The following RYK variants were observed in gnomAD, a reference collection of about 807,000 sequenced individuals.
RYK encodes the protein receptor like tyrosine kinase.
A neutral mutation model predicts 70.2 loss-of-function variants in RYK; 21 were observed. The observed-to-expected ratio is 0.30, with a 90% confidence interval of 0.21 to 0.43. The LOEUF is 0.43. Among genes scored for constraint, RYK ranks in the 20% least tolerant of loss-of-function variants. The probability of loss-of-function intolerance (pLI) is 1.00; values close to 1 mark genes in which losing one functional copy is unlikely to be tolerated. For synonymous variants in RYK, 267 were observed against 278.0 expected (o/e 0.96, Z 0.39); for missense variants, 604 against 753.3 (o/e 0.80, Z 2.32).
At chr3:134,233,052 T>C (rs1468306618) in intron 1 of RYK, among the ~76,000 whole-genome samples, 1 of 152,230 alleles carries the variant, frequency 6.6e-6, no homozygotes, top group East Asian at 1.9e-4. Context: ...GGTGCCCACC[T>C]TTATGGCAAC....
At chr3:134,210,983 C>T (rs1204319372) in intron 3 of RYK, among the ~76,000 whole-genome samples, 1 of 152,198 alleles carries the variant, frequency 6.6e-6, no homozygotes, top group African/African-American at 2.4e-5. Flanking sequence ...GAGACCAGCA[C>T]ATGCAAAGGC....
At chr3:134,189,740 CAAAA>C (rs57016937) in intron 8 of RYK, among the ~76,000 whole-genome samples, 6 of 92,656 alleles carry the variant, frequency 6.5e-5, no homozygotes, top group African/African-American at 1.3e-4. Context: ...GAGACTCCGC[CAAAA>C]AAAAAAAAAA....
intron 1 of RYK, among the ~76,000 whole-genome samples, chr3:134,224,987 T>C (rs2014860082): frequency 6.6e-6 from 1 of 152,254 alleles, no homozygotes; most frequent in Non-Finnish European, 1.5e-5. Flanking sequence ...TTCTTTATTA[T>C]ACTGGAACAG....
At position 134,250,731 on chromosome 3, in the gene RYK, A is replaced by T; in HGVS notation, c.-77T>A. The stretch of plus-strand genomic sequence containing the variant: ...GCCCACCCCCGGCCCCGAGCCGCTC[A>T]CAGCCCCGAGCCGGGGGCGGCTGCC... On this transcript the variant is annotated 5_prime_UTR_variant, in exon 1 of 15. It removes the in-frame stop codon of an upstream open reading frame in the 5' UTR. Transcript: ENST00000623711. 1 of 735,184 alleles carries T rather than the reference A, an allele frequency of 1.4e-6. No homozygotes were observed. The highest frequency in any genetic ancestry group is 1.7e-6 in the Non-Finnish European group (1 of 603,962). The allele number at this position is 735,184 out of a possible 1,614,324, so 45.5% of individuals were successfully genotyped here. A position where few individuals can be genotyped will look rare whatever the true frequency, so the allele number is the denominator to read the frequency against.
At position 134,220,140 on chromosome 3, in the gene RYK, C is replaced by CTGAG. The variant is rs1454138705; in HGVS notation, c.354+2274_354+2277dup. Among the ~76,000 whole-genome samples the CTGAG allele has an allele frequency of 1.6e-4, 24 of 152,210 alleles. No individual in the cohort carries two copies. The South Asian group carries it at 1.9e-3, about 12-fold the overall frequency. On this transcript the variant is annotated intron_variant, in intron 2 of 14. Coordinates refer to ENST00000623711, the MANE Select transcript of RYK (RefSeq NM_002958.4). ...ATGAAGAAACCTCAGACAACACAAA[C>CTGAG]TGAGGGGCATTCTACAAAATTACTG... is the stretch of plus-strand genomic sequence containing the variant.
chr3:134,194,587 A>C (rs1454411697), intron 7 of RYK, among the ~76,000 whole-genome samples: 3 of 152,170 alleles, frequency 2.0e-5, no homozygotes, highest in African/African-American at 7.2e-5. Context: ...TTATTTTACT[A>C]AAGAATAAAT....
rs2012272722 is a variant in RYK at position 134,157,221 on chromosome 3, A to T, written c.*932T>A. On this transcript the variant is annotated 3_prime_UTR_variant, in exon 15 of 15. Transcript: ENST00000623711. ...CTTGAAGATAAGCACAAAATTTACC[A>T]GTTTACATTTAAAAAACAAACAAAA... 2 of 152,532 alleles carry T rather than the reference A, an allele frequency of 1.3e-5. No homozygotes were observed. Among genetic ancestry groups the T allele is most frequent in the East Asian group, 3.9e-4 (2 of 5,144 alleles). 9.4% of individuals were successfully genotyped at this position (152,532 alleles called of 1,614,324 possible).
At chr3:134,221,881 GAA>G (rs1469876096) in intron 2 of RYK, among the ~76,000 whole-genome samples, 2 of 152,178 alleles carry the variant, frequency 1.3e-5, no homozygotes, top group African/African-American at 4.8e-5. Flanking sequence ...GCAATGTGAA[GAA>G]TTCAGCAACA....
intron 1 of RYK, among the ~76,000 whole-genome samples, chr3:134,232,839 T>C (rs2015097289): frequency 6.6e-6 from 1 of 152,228 alleles, no homozygotes; most frequent in Non-Finnish European, 1.5e-5. Flanking sequence ...CATATTAATT[T>C]TCCTAGGCAA....
At chr3:134,194,806 G>C (rs936883672) in intron 7 of RYK, among the ~76,000 whole-genome samples, 2 of 152,094 alleles carry the variant, frequency 1.3e-5, no homozygotes, top group Non-Finnish European at 2.9e-5. Flanking sequence ...AATTTCTATA[G>C]AAGTGACTTA....
At chr3:134,188,306 G>A (rs1175061120) in intron 9 of RYK, among the ~76,000 whole-genome samples, 6 of 151,694 alleles carry the variant, frequency 4.0e-5, no homozygotes, top group South Asian at 2.1e-4. Flanking sequence ...GATTACAGGC[G>A]TGAGCCACCA....
At chr3:134,245,847 T>A (rs182647528) in intron 1 of RYK, among the ~76,000 whole-genome samples, 1 of 152,230 alleles carries the variant, frequency 6.6e-6, no homozygotes, top group East Asian at 1.9e-4. Context: ...AGACTCCCAA[T>A]GAAAAGTCCA....
intron 1 of RYK, among the ~76,000 whole-genome samples, chr3:134,243,901 A>C (rs1027535058): frequency 6.6e-6 from 1 of 152,184 alleles, no homozygotes; most frequent in Non-Finnish European, 1.5e-5. Context: ...AAATTCTGAG[A>C]TCTTCAGGGA....
chr3:134,203,505 G>C (rs1303609154), intron 5 of RYK, among the ~76,000 whole-genome samples: 2 of 152,116 alleles, frequency 1.3e-5, no homozygotes, highest in African/African-American at 4.8e-5. Flanking sequence ...ATTAATAAAA[G>C]GGTTGGTGGT....
chr3:134,228,018 A>G (rs1426091479), intron 1 of RYK, among the ~76,000 whole-genome samples: 3 of 152,218 alleles, frequency 2.0e-5, no homozygotes, highest in Non-Finnish European at 4.4e-5. Flanking sequence ...GGCCAGGTAC[A>G]GTGGCTCATG....
Position 134,159,311 on chromosome 3 carries a change from A to G in RYK, c.1638T>C (p.Ile546=). ...MTLGQTPYVD[I]DPFEMAAYLK... ...GGTATGCGGCCATCTCGAAGGGGTCAATGTCCACGTAGGGAGTCTGGCCCA... is the reference window on the plus strand; with the variant it reads ...GGTATGCGGCCATCTCGAAGGGGTCGATGTCCACGTAGGGAGTCTGGCCCA... Residue 546 remains isoleucine, a synonymous_variant, in exon 14 of 15, where the codon ATT becomes ATC. Transcript: ENST00000623711. The G allele has an allele frequency of 6.2e-7, 1 of 1,613,936 alleles. No individual in the cohort carries two copies. Among genetic ancestry groups the G allele is most frequent in the South Asian group, 1.1e-5 (1 of 91,058 alleles).
rs149199689 is a variant in RYK at position 134,240,303 on chromosome 3, A to G, written c.232+10120T>C. Among the ~76,000 whole-genome samples, 224 of 152,324 alleles carry G rather than the reference A, an allele frequency of 1.5e-3. 7 individuals carry two copies. The East Asian group carries it at 0.037, about 25-fold the overall frequency. The stretch of plus-strand genomic sequence containing the variant: ...GAGTAGGGGTAAGGTGGTAGAGATG[A>G]AACAGAATTGGCTATGAGTTGAGAA... On this transcript the variant is annotated intron_variant, in intron 1 of 14. Coordinates refer to ENST00000623711, the MANE Select transcript of RYK (RefSeq NM_002958.4).
At chr3:134,176,830 C>T (rs10935105) in intron 11 of RYK, among the ~76,000 whole-genome samples, 13,048 of 151,946 alleles carry the variant, frequency 0.086, 1,161 homozygotes, top group South Asian at 0.32. Flanking sequence ...GCAGGCAGAT[C>T]ACGAGGTCAG....
intron 10 of RYK, chr3:134,178,492 G>A (rs913176688): frequency 1.3e-5 from 2 of 151,360 alleles, no homozygotes; most frequent in Non-Finnish European, 2.9e-5. Context: ...TCCAGACGGT[G>A]GTCAAGAATA....
Sources: allele counts gnomAD v4.1 joint callset (sites outside exome capture counted in the v4.1 genomes callset), GRCh38; gene constraint gnomAD v4.1.1; transcripts MANE v1.5; gene names NCBI Gene and HGNC (gene_info 2026-07-23, HGNC 2026-07-21).